The following PVALEF variants were observed in gnomAD, a reference collection of about 807,000 sequenced individuals.
PVALEF encodes parvalbumin-like EF-hand-containing protein.
A neutral mutation model predicts 1.2 loss-of-function variants in PVALEF; 2 were observed. That is an observed-to-expected ratio of 1.68 (90% CI 0.69 to 5.28). PVALEF has a LOEUF of 5.28. PVALEF is among the 30% of genes most tolerant of loss of function. PVALEF has a pLI of 0.06. For synonymous variants in PVALEF, 16 were observed against 6.5 expected, an observed-to-expected ratio of 2.47 and a Z score of -2.24; for missense variants, 35 against 17.7, an observed-to-expected ratio of 1.97 and a Z score of -1.75.
At chr17:81,174,063 A>G (rs9913090) in intron 2 of PVALEF, among the ~76,000 whole-genome samples, 36,029 of 152,110 alleles carry the variant, frequency 0.24, 4,697 homozygotes, top group Non-Finnish European at 0.28. Flanking sequence ...TATCTCAACC[A>G]ATGCAGAAAA....
intron 6 of PVALEF, among the ~76,000 whole-genome samples, 174 bp from the exon 7 acceptor site, chr17:81,182,791 G>A (rs1249805903): frequency 2.0e-5 from 3 of 152,220 alleles, no homozygotes; most frequent in Admixed American, 6.5e-5. Context: ...GCGTGGGGCC[G>A]CCCCCGGCCA....
At chr17:81,169,869 CG>C (rs2061512802) in intron 2 of PVALEF, among the ~76,000 whole-genome samples, 1 of 151,036 alleles carries the variant, frequency 6.6e-6, no homozygotes, top group South Asian at 2.1e-4. Flanking sequence ...TGTTCAGTTG[CG>C]TGTGTTGGTG....
intron 1 of PVALEF, 78 bp downstream of exon 1, chr17:81,165,825 CG>C (rs1334946482): frequency 3.3e-6 from 5 of 1,507,666 alleles, no homozygotes; most frequent in African/African-American, 2.8e-5. Flanking sequence ...CTGCTGGGCT[CG>C]GGGCGGGGAA....
Position 81,179,125 on chromosome 17 carries a change from C to T in PVALEF, c.-132C>T, listed in dbSNP as rs1254120457. The T allele has an allele frequency of 1.0e-5, 4 of 398,342 alleles. No homozygotes were observed. The highest frequency in any genetic ancestry group is 1.5e-5 in the Non-Finnish European group (3 of 195,250). The allele number at this position is 398,342 out of a possible 1,614,324, so 24.7% of individuals were successfully genotyped here. The stretch of plus-strand genomic sequence containing the variant: ...CCACACCCCAGCCTGACCCACCTTC[C>T]AGAACTCTCGAAAGAAGCCAGGCAG... On this transcript the variant is annotated 5_prime_UTR_variant, in exon 3 of 7. Transcript: ENST00000637878.
At chr17:81,178,528 T>C (rs73354281) in intron 2 of PVALEF, among the ~76,000 whole-genome samples, 38,517 of 152,112 alleles carry the variant, frequency 0.25, 5,263 homozygotes, top group African/African-American at 0.29. Flanking sequence ...CCATATGAAC[T>C]TGGAGCCTCC....
intron 2 of PVALEF, among the ~76,000 whole-genome samples, chr17:81,176,068 G>T (rs779590165): frequency 5.9e-5 from 9 of 152,166 alleles, no homozygotes; most frequent in Non-Finnish European, 8.8e-5. Flanking sequence ...AACATATGAA[G>T]AACTCCTAAA....
At chr17:81,182,155 C>T (rs921218447) in intron 6 of PVALEF, 74 bp downstream of exon 6, 40 of 398,120 alleles carry the variant, frequency 1.0e-4, no homozygotes, top group Non-Finnish European at 1.5e-4. Context: ...CCCATGGCCC[C>T]GCCCCGAGGG....
rs2061560034 is a variant in PVALEF at position 81,183,027 on chromosome 17, T to C, written c.*16T>C. 3 of 398,688 alleles carry C rather than the reference T, an allele frequency of 7.5e-6. No homozygotes were observed. The highest frequency in any genetic ancestry group is 1.3e-5 in the Non-Finnish European group (3 of 226,094). 24.7% of individuals were successfully genotyped at this position (398,688 alleles called of 1,614,324 possible). On this transcript the variant is annotated 3_prime_UTR_variant, in exon 7 of 7. Coordinates refer to ENST00000637878, the MANE Select transcript of PVALEF (RefSeq NM_001354639.2). ...GAAGAAGTAGCACCATGACTAGCCC[T>C]GGCCAGCCAAGGGGCTCCCATGGGG...
chr17:81,166,616 G>A, intron 1 of PVALEF, 61 bp from the exon 2 acceptor site: 2 of 445,878 alleles, frequency 4.5e-6, no homozygotes, highest in East Asian at 7.0e-5. Flanking sequence ...GACAGGTGGG[G>A]GAACCCGGGA....
chr17:81,167,483 C>G (rs888423433), intron 2 of PVALEF, among the ~76,000 whole-genome samples: 2 of 152,356 alleles, frequency 1.3e-5, no homozygotes, highest in East Asian at 3.9e-4. Context: ...CAACAGGGCT[C>G]TTAGGACTTT....
chr17:81,171,144 G>A (rs781382823), intron 2 of PVALEF, among the ~76,000 whole-genome samples: 2 of 152,254 alleles, frequency 1.3e-5, no homozygotes, highest in African/African-American at 2.4e-5. Flanking sequence ...GAGCTATGAA[G>A]TGGTCCTTGT....
intron 2 of PVALEF, among the ~76,000 whole-genome samples, chr17:81,169,435 T>C (rs2061510599): frequency 6.6e-6 from 1 of 152,242 alleles, no homozygotes; most frequent in African/African-American, 2.4e-5. Flanking sequence ...CCGTATCTAC[T>C]AAAAATACAA....
In PVALEF at chr17:81,182,822, C is replaced by T. The variant is rs576029350; in HGVS notation, c.359-143C>T. 2.7e-4 allele frequency: 105 copies of T among 394,510 alleles called. 1 individual carries two copies. Among genetic ancestry groups the T allele is most frequent in the Non-Finnish European group, 4.2e-4 (94 of 223,920 alleles). 24.4% of individuals were successfully genotyped at this position (394,510 alleles called of 1,614,324 possible). A position where few individuals can be genotyped will look rare whatever the true frequency, so the allele number is the denominator to read the frequency against. ...GGCCAGATGGGCTGGAGGCCTGGTC[C>T]CTGCTCAAGGACTTGGGGACAGGAC... On this transcript the variant is annotated intron_variant, in intron 6 of 6. Coordinates refer to ENST00000637878, the MANE Select transcript of PVALEF (RefSeq NM_001354639.2).
intron 6 of PVALEF, among the ~76,000 whole-genome samples, chr17:81,182,485 C>G (rs1252005903): frequency 6.6e-6 from 1 of 152,226 alleles, no homozygotes; most frequent in Non-Finnish European, 1.5e-5. Flanking sequence ...ACCGCTTGCC[C>G]AGCCACCGGC....
At chr17:81,166,150 C>A in intron 1 of PVALEF, 1 of 255,196 alleles carries the variant, frequency 3.9e-6, no homozygotes, top group Non-Finnish European at 6.0e-6. Context: ...GAGCCCGCAC[C>A]GGTGGGGGCG....
rs2061552121 is a variant in PVALEF, at chr17:81,181,120, C to A, written c.-104-3C>A. 3.0e-6 allele frequency: 2 copies of A among 659,408 alleles called. No individual in the cohort carries two copies. The highest frequency in any genetic ancestry group is 1.7e-5 in the South Asian group (1 of 60,090). The allele number at this position is 659,408 out of a possible 1,614,324, so 40.8% of individuals were successfully genotyped here. ...GACGCCTGTCACCATTCCCACTTTACAGCAGGATCCAGCACCACGCGGCGT... is the reference window on the plus strand; with the variant it reads ...GACGCCTGTCACCATTCCCACTTTAAAGCAGGATCCAGCACCACGCGGCGT... On this transcript the variant is annotated splice_region_variant and splice_polypyrimidine_tract_variant and intron_variant, in intron 3 of 6. Transcript: ENST00000637878.
intron 2 of PVALEF, among the ~76,000 whole-genome samples, chr17:81,174,355 G>A (rs2146446539): frequency 6.6e-6 from 1 of 152,372 alleles, no homozygotes; most frequent in South Asian, 2.1e-4. Context: ...AAGGCTGGGT[G>A]CGGTGGCTCA....
At chr17:81,165,865 C>CA in intron 1 of PVALEF, 118 bp downstream of exon 1, 1 of 1,535,100 alleles carries the variant, frequency 6.5e-7, no homozygotes, top group Non-Finnish European at 8.8e-7. Context: ...AACCGGGAGC[C>CA]GTGGGGCCCA....
rs984475678 is a variant in PVALEF, at chr17:81,165,575, C to A, written c.-680C>A. 4.7e-6 allele frequency: 6 copies of A among 1,263,382 alleles called. No individual in the cohort carries two copies. The East Asian group carries it at 2.4e-4, about 51-fold the overall frequency. 78.3% of individuals were successfully genotyped at this position (1,263,382 alleles called of 1,614,324 possible). A position where few individuals can be genotyped will look rare whatever the true frequency, so the allele number is the denominator to read the frequency against. ...CGGACCCAGGAGAGGCCATGGAAAG[C>A]CTGAACCCCAGCTGGCTGACACCCC... On this transcript the variant is annotated 5_prime_UTR_variant, in exon 1 of 7. Transcript: ENST00000637878.
Sources: allele counts gnomAD v4.1 joint callset (sites outside exome capture counted in the v4.1 genomes callset), GRCh38; gene constraint gnomAD v4.1.1; transcripts MANE v1.5; gene names NCBI Gene and HGNC (gene_info 2026-07-23, HGNC 2026-07-21).